The following UBE2E1 variants were observed in gnomAD, a reference collection of about 807,000 sequenced individuals.
UBE2E1 encodes the protein ubiquitin conjugating enzyme E2 E1.
A neutral mutation model predicts 21.4 loss-of-function variants in UBE2E1; 6 were observed. That is an observed-to-expected ratio of 0.28 (90% CI 0.15 to 0.55). The LOEUF (loss-of-function observed/expected upper bound fraction) is 0.55, where lower values mean the gene tolerates loss of function less well. Among genes scored for constraint, UBE2E1 ranks in the 20% least tolerant of loss-of-function variants. The pLI is 0.93. For synonymous variants in UBE2E1, 87 were observed against 82.7 expected (o/e 1.05, Z -0.28); for missense variants, 142 against 236.5 (o/e 0.60, Z 2.62).
chr3:23,870,879 C>T lies in UBE2E1; in HGVS notation c.204-16688C>T, dbSNP rs372451554. 0.018 allele frequency among the ~76,000 whole-genome samples: 2,802 copies of T among 152,122 alleles called. 44 individuals carry two copies. The highest frequency in any genetic ancestry group is 0.045 in the South Asian group (215 of 4,824). On this transcript the variant is annotated intron_variant, in intron 3 of 5. Coordinates refer to ENST00000306627, the MANE Select transcript of UBE2E1 (RefSeq NM_003341.5). The surrounding 1 kb of genome is among the most constrained non-coding windows in gnomAD (Gnocchi z 4.2). ...TTGAGATTAGGGAGTGGTGATGATT[C>T]TTAACGAGCATGCTGCCTTCAAGCA...
At position 23,810,122 on chromosome 3, in the gene UBE2E1, G is replaced by A. The variant is rs1268001694; in HGVS notation, c.153-1338G>A. On this transcript the variant is annotated intron_variant, in intron 2 of 5. Coordinates refer to ENST00000306627, the MANE Select transcript of UBE2E1 (RefSeq NM_003341.5). This position sits in a 1 kb window ranked among gnomAD's most constrained non-coding sequence, Gnocchi z 5.8. ...TTGGAAAGGAAAACGTATCCTTTGTGAATTAGATTGCTCTGTGTGTGTGTT... is the reference window on the plus strand; with the variant it reads ...TTGGAAAGGAAAACGTATCCTTTGTAAATTAGATTGCTCTGTGTGTGTGTT... Among the ~76,000 whole-genome samples, 2 of 152,172 alleles carry A rather than the reference G, an allele frequency of 1.3e-5. No homozygotes were observed. Among genetic ancestry groups the A allele is most frequent in the Non-Finnish European group, 2.9e-5 (2 of 68,032 alleles).
Position 23,810,642 on chromosome 3 carries a change from CGG to C in UBE2E1, c.153-814_153-813del. ...GGGTCTGTGGTGCCCGAGTGGCGGG[CGG>C]GGGTGTTCGCGCCCTGCTTTCGCGC... is the stretch of plus-strand genomic sequence containing the variant. On this transcript the variant is annotated intron_variant, in intron 2 of 5. Coordinates refer to ENST00000306627, the MANE Select transcript of UBE2E1 (RefSeq NM_003341.5). This position sits in a 1 kb window ranked among gnomAD's most constrained non-coding sequence, Gnocchi z 5.8. 4.0e-6 allele frequency: 4 copies of C among 992,900 alleles called. No homozygotes were observed. In the South Asian group the frequency reaches 6.9e-5, roughly 17 times the overall value. The allele number at this position is 992,900 out of a possible 1,614,324, so 61.5% of individuals were successfully genotyped here.
At chr3:23,828,105 GTCTC>G (rs1415039617) in intron 3 of UBE2E1, among the ~76,000 whole-genome samples, 4 of 152,074 alleles carry the variant, frequency 2.6e-5, no homozygotes, top group African/African-American at 9.7e-5. Flanking sequence ...ATTTGTGTTT[GTCTC>G]TCTGTCAAGA....
intron 3 of UBE2E1, among the ~76,000 whole-genome samples, chr3:23,840,765 A>C (rs1575822568): frequency 6.6e-6 from 1 of 152,094 alleles, no homozygotes. Flanking sequence ...GGGACCCTCT[A>C]CAGATCTCCG....
At position 23,810,083 on chromosome 3, in the gene UBE2E1, C is replaced by A. The variant is rs1252214013; in HGVS notation, c.153-1377C>A. ...TACATATAGCTCGTCCGTCCTCCTA[C>A]CCGCAGAAAACCTTTGGAAAGGAAA... is the stretch of plus-strand genomic sequence containing the variant. On this transcript the variant is annotated intron_variant, in intron 2 of 5. Transcript: ENST00000306627. The surrounding 1 kb of genome is among the most constrained non-coding windows in gnomAD (Gnocchi z 5.8). Among the ~76,000 whole-genome samples the A allele has an allele frequency of 1.3e-5, 2 of 152,192 alleles. No homozygotes were observed. Among genetic ancestry groups the A allele is most frequent in the African/African-American group, 4.8e-5 (2 of 41,450 alleles).
intron 3 of UBE2E1, among the ~76,000 whole-genome samples, chr3:23,828,666 T>C (rs1231107126): frequency 1.3e-5 from 2 of 152,212 alleles, no homozygotes; most frequent in East Asian, 3.8e-4. Flanking sequence ...CTGAATTAGA[T>C]CATCTGGAGA....
At chr3:23,885,926 G>C (rs1701172557) in intron 3 of UBE2E1, among the ~76,000 whole-genome samples, 1 of 149,612 alleles carries the variant, frequency 6.7e-6, no homozygotes, top group East Asian at 2.0e-4. Context: ...AAACTTTTTG[G>C]TGGCTTACAC....
chr3:23,886,983 A>C (rs965150064), intron 3 of UBE2E1, among the ~76,000 whole-genome samples: 2 of 152,182 alleles, frequency 1.3e-5, no homozygotes, highest in African/African-American at 2.4e-5. Context: ...TATTTAGAGA[A>C]CCCAATTATA....
intron 3 of UBE2E1, among the ~76,000 whole-genome samples, chr3:23,821,608 T>G (rs978068921): frequency 1.3e-5 from 2 of 152,150 alleles, no homozygotes; most frequent in South Asian, 2.1e-4. Context: ...AGTGGAGATA[T>G]GGTAGAACAC....
chr3:23,869,001 T>C (rs113215728), intron 3 of UBE2E1, among the ~76,000 whole-genome samples: 108 of 152,274 alleles, frequency 7.1e-4, no homozygotes, highest in African/African-American at 1.4e-3. Context: ...CATTCCAAAT[T>C]TTTTTCATCA....
Position 23,887,486 on chromosome 3 carries a change from T to C in UBE2E1, c.204-81T>C, listed in dbSNP as rs1223876621. The C allele has an allele frequency of 2.7e-6, 4 of 1,478,784 alleles. No individual in the cohort carries two copies. In the South Asian group the frequency reaches 4.3e-5, roughly 16 times the overall value. 91.6% of individuals were successfully genotyped at this position (1,478,784 alleles called of 1,614,324 possible). A position where few individuals can be genotyped will look rare whatever the true frequency, so the allele number is the denominator to read the frequency against. On this transcript the variant is annotated intron_variant, in intron 3 of 5. Coordinates refer to ENST00000306627, the MANE Select transcript of UBE2E1 (RefSeq NM_003341.5). The surrounding 1 kb of genome is among the most constrained non-coding windows in gnomAD (Gnocchi z 4.4). Reference sequence around the variant, plus strand: ...CAGTAAACAAAAGAGAGGAGAGAGGTAATCTTTCCATCTCTTTTAATACAC... The same window carrying C: ...CAGTAAACAAAAGAGAGGAGAGAGGCAATCTTTCCATCTCTTTTAATACAC...
rs1226950917 is a variant in UBE2E1 at position 23,816,356 on chromosome 3, A to G, written c.203+4846A>G. Among the ~76,000 whole-genome samples the G allele has an allele frequency of 2.0e-5, 3 of 152,100 alleles. No homozygotes were observed. The highest frequency in any genetic ancestry group is 4.4e-5 in the Non-Finnish European group (3 of 68,016). On this transcript the variant is annotated intron_variant, in intron 3 of 5. Transcript: ENST00000306627. This position sits in a 1 kb window ranked among gnomAD's most constrained non-coding sequence, Gnocchi z 4.8. The stretch of plus-strand genomic sequence containing the variant: ...GGTTAATCTATAAACTGGAATATTC[A>G]TCTATAAAAAGGAATGAAGTTGTGA...
rs1699430324 is a variant in UBE2E1 at position 23,812,861 on chromosome 3, G to C, written c.203+1351G>C. Among the ~76,000 whole-genome samples the C allele has an allele frequency of 3.3e-5, 5 of 152,148 alleles. No individual in the cohort carries two copies. The South Asian group carries it at 6.2e-4, about 19-fold the overall frequency. ...TCTGTGCTGTCTAGTTATTGCTCCT[G>C]CTTGGTATTGTGTGTCTCCTATGTG... On this transcript the variant is annotated intron_variant, in intron 3 of 5. Transcript: ENST00000306627.
At chr3:23,873,518 C>T (rs1209071943) in intron 3 of UBE2E1, among the ~76,000 whole-genome samples, 1 of 152,136 alleles carries the variant, frequency 6.6e-6, no homozygotes, top group Non-Finnish European at 1.5e-5. Context: ...GAGGCTGAGG[C>T]AGGCAGATCA....
rs372272832 is a variant in UBE2E1 at position 23,882,508 on chromosome 3, C to A, written c.204-5059C>A. Among the ~76,000 whole-genome samples, 436 of 152,354 alleles carry A rather than the reference C, an allele frequency of 2.9e-3. 1 individual carries two copies. The highest frequency in any genetic ancestry group is 4.7e-3 in the Admixed American group (72 of 15,310). ...TGCCGGGGCTGCGGGCGGAGCTGCCCGCCAGTCCCGCACTGTGCGCCCACA... is the reference window on the plus strand; with the variant it reads ...TGCCGGGGCTGCGGGCGGAGCTGCCAGCCAGTCCCGCACTGTGCGCCCACA... On this transcript the variant is annotated intron_variant, in intron 3 of 5. Transcript: ENST00000306627.
At chr3:23,859,429 T>C (rs1250421453) in intron 3 of UBE2E1, among the ~76,000 whole-genome samples, 1 of 152,194 alleles carries the variant, frequency 6.6e-6, no homozygotes. Context: ...TATTACCTGC[T>C]CCCACCCTTG....
At position 23,810,646 on chromosome 3, in the gene UBE2E1, G is replaced by T; in HGVS notation, c.153-814G>T. The T allele has an allele frequency of 1.0e-6, 1 of 971,456 alleles. No homozygotes were observed. Among genetic ancestry groups the T allele is most frequent in the South Asian group, 1.7e-5 (1 of 57,616 alleles). 60.2% of individuals were successfully genotyped at this position (971,456 alleles called of 1,614,324 possible). ...CTGTGGTGCCCGAGTGGCGGGCGGG[G>T]GTGTTCGCGCCCTGCTTTCGCGCGC... On this transcript the variant is annotated intron_variant, in intron 2 of 5. Transcript: ENST00000306627. The surrounding 1 kb of genome is among the most constrained non-coding windows in gnomAD (Gnocchi z 5.8).
At chr3:23,868,721 T>G (rs1251972768) in intron 3 of UBE2E1, among the ~76,000 whole-genome samples, 3 of 142,606 alleles carry the variant, frequency 2.1e-5, no homozygotes, top group Non-Finnish European at 3.0e-5. Context: ...CACAGTGTTG[T>G]TTTTTTTTTT....
intron 3 of UBE2E1, among the ~76,000 whole-genome samples, chr3:23,854,335 A>G (rs1308115145): frequency 6.6e-6 from 1 of 151,858 alleles, no homozygotes; most frequent in South Asian, 2.1e-4. Context: ...TGAGAGATAT[A>G]CCAAAGTATT....
Sources: gnomAD v4.1 joint callset for allele counts (sites outside exome capture counted in the v4.1 genomes callset) on GRCh38, gnomAD v4.1.1 for gene constraint, Gnocchi (gnomAD v3.1) non-coding constraint, MANE v1.5 for transcripts, NCBI Gene and HGNC (gene_info 2026-07-23, HGNC 2026-07-21) for gene names.